Variants in SUCO observed in about 807,000 individuals in gnomAD.
The protein encoded by SUCO is SUN domain-containing ossification factor.
A neutral mutation model predicts 148.1 loss-of-function variants in SUCO; 57 were observed. The observed-to-expected ratio is 0.38, with a 90% CI of 0.31 to 0.48. SUCO has a LOEUF of 0.48. Ranked by LOEUF, SUCO falls within the 20% of genes least tolerant of loss-of-function variation. The probability of loss-of-function intolerance (pLI) is 0.96; values close to 1 mark genes in which losing one functional copy is unlikely to be tolerated. For missense variants in SUCO, 1,331 were observed against 1,468.2 expected (o/e 0.91, Z 1.53); for synonymous variants, 470 against 502.7 (o/e 0.93, Z 0.87).
intron 1 of SUCO, among the ~76,000 whole-genome samples, chr1:172,544,641 A>T (rs1012740986): frequency 6.6e-6 from 1 of 152,230 alleles, no homozygotes; most frequent in Non-Finnish European, 1.5e-5. Context: ...TGAGCCAGAG[A>T]CATGAGACAG....
chr1:172,586,006 A>G (rs1245861375), intron 17 of SUCO, 58 bp downstream of exon 17: 1 of 1,122,090 alleles, frequency 8.9e-7, no homozygotes, highest in African/African-American at 1.6e-5. Flanking sequence ...TAAGTATATT[A>G]GTATAAAAAA....
chr1:172,589,563 C>G lies in SUCO; in HGVS notation c.2462C>G (p.Ser821Cys), dbSNP rs1466828922. 6.2e-7 allele frequency: 1 copy of G among 1,613,758 alleles called. No homozygotes were observed. Among genetic ancestry groups the G allele is most frequent in the Non-Finnish European group, 8.5e-7 (1 of 1,179,870 alleles). ...VNSMQIFTKLSETIVPPINTA... is the reference protein window; with the variant it reads ...VNSMQIFTKLCETIVPPINTA... ...TCCATGCAAATTTTCACAAAGCTGT[C>G]TGAAACAATAGTGCCACCAATAAAT... The change falls in exon 18 of 24, where the codon TCT becomes TGT. Residue 821 changes from serine to cysteine, a missense_variant. By Grantham distance (112) the Ser-to-Cys change is moderately radical (BLOSUM62 -1). Coordinates refer to ENST00000263688, the MANE Select transcript of SUCO (RefSeq NM_014283.5).
Position 172,589,781 on chromosome 1 carries a change from T to A in SUCO, c.2680T>A (p.Ser894Thr). 2 of 1,612,494 alleles carry A rather than the reference T, an allele frequency of 1.2e-6. No homozygotes were observed. Residue 894 changes from serine (S) to threonine (T), a missense_variant, in exon 18 of 24, where the codon TCT becomes ACT. By Grantham distance (58) the Ser-to-Thr change is moderately conservative. Coordinates refer to ENST00000263688, the MANE Select transcript of SUCO (RefSeq NM_014283.5). ...ATDFYAELQN[S>T]TDLGYANGNL... ...AGATTTTTATGCTGAATTGCAAAAT[T>A]CTACAGATCTAGGATATGCTAATGG... is the stretch of plus-strand genomic sequence containing the variant.
intron 1 of SUCO, among the ~76,000 whole-genome samples, chr1:172,541,566 G>A (rs1652458417): frequency 6.6e-6 from 1 of 152,206 alleles, no homozygotes; most frequent in South Asian, 2.1e-4. Flanking sequence ...TTTTTGAGGA[G>A]GTAAATGATT....
chr1:172,606,135 A>G (rs1002400812), intron 22 of SUCO, among the ~76,000 whole-genome samples: 6 of 151,590 alleles, frequency 4.0e-5, no homozygotes, highest in Non-Finnish European at 8.9e-5. Context: ...TTTGTATTGT[A>G]TATATTATTT....
intron 3 of SUCO, among the ~76,000 whole-genome samples, chr1:172,555,023 C>G (rs894288764): frequency 9.2e-5 from 14 of 151,870 alleles, no homozygotes; most frequent in Admixed American, 8.5e-4. Flanking sequence ...TCATCATAGT[C>G]CTTAGTTTCT....
At chr1:172,543,191 T>A in intron 1 of SUCO, 1 of 187,634 alleles carries the variant, frequency 5.3e-6, no homozygotes. Flanking sequence ...GATAAAACTT[T>A]AAACCTTGAT....
chr1:172,550,122 T>A (rs1558175301), intron 1 of SUCO, among the ~76,000 whole-genome samples: 1 of 151,962 alleles, frequency 6.6e-6, no homozygotes, highest in Non-Finnish European at 1.5e-5. Flanking sequence ...CTCTGTTATC[T>A]CAGTATCATA....
intron 6 of SUCO, among the ~76,000 whole-genome samples, chr1:172,564,936 C>A (rs1335888903): frequency 6.6e-6 from 1 of 152,112 alleles, no homozygotes; most frequent in Non-Finnish European, 1.5e-5. Context: ...TTCTTTAGCA[C>A]ATTTTATGTA....
chr1:172,569,629 A>G (rs748989090), intron 7 of SUCO: 2 of 462,918 alleles, frequency 4.3e-6, no homozygotes, highest in Non-Finnish European at 5.7e-6. Flanking sequence ...TAGGTGCAGC[A>G]CACCACCATG....
chr1:172,532,989 G>A (rs988676761), upstream of SUCO: 25 of 1,396,038 alleles, frequency 1.8e-5, no homozygotes, highest in Admixed American at 4.3e-4. Context: ...AGAGGCTGGT[G>A]GGGGTGCGGG....
intron 1 of SUCO, among the ~76,000 whole-genome samples, chr1:172,534,305 G>C (rs982569355): frequency 5.3e-5 from 8 of 152,152 alleles, no homozygotes; most frequent in East Asian, 3.8e-4. Context: ...ACTTGGAAAA[G>C]CCATTCTTTC....
At chr1:172,590,936 G>T in intron 18 of SUCO, 48 bp from the exon 19 acceptor site, 1 of 1,325,258 alleles carries the variant, frequency 7.5e-7, no homozygotes, top group Non-Finnish European at 1.1e-6. Context: ...TTACTAAGTG[G>T]AATAAGTAAG....
chr1:172,587,392 T>G (rs981208081), intron 17 of SUCO, among the ~76,000 whole-genome samples: 3 of 152,040 alleles, frequency 2.0e-5, no homozygotes, highest in African/African-American at 7.2e-5. Flanking sequence ...GAAAAAACTT[T>G]TAAAGTATAT....
At chr1:172,533,743 G>A (rs1390713187) in intron 1 of SUCO, among the ~76,000 whole-genome samples, 2 of 152,178 alleles carry the variant, frequency 1.3e-5, no homozygotes, top group African/African-American at 4.8e-5. Context: ...CCAAGGTAGA[G>A]GGAACCACCA....
chr1:172,542,836 A>T (rs1558170464), intron 1 of SUCO: 1 of 985,408 alleles, frequency 1.0e-6, no homozygotes. Flanking sequence ...GATGGATGGA[A>T]AGAGATTTAA....
chr1:172,602,061 C>G lies in SUCO; in HGVS notation c.3019-3C>G. The G allele has an allele frequency of 1.2e-6, 2 of 1,604,852 alleles. No homozygotes were observed. Among genetic ancestry groups the G allele is most frequent in the Non-Finnish European group, 1.7e-6 (2 of 1,176,486 alleles). On this transcript the variant is annotated splice_polypyrimidine_tract_variant and splice_region_variant and intron_variant, in intron 20 of 23. Coordinates refer to ENST00000263688, the MANE Select transcript of SUCO (RefSeq NM_014283.5). ...TTATTATTTAACCCTCTTCTCATCTCAGGTTTCAGATCGACAAAGCTATCT... is the reference window on the plus strand; with the variant it reads ...TTATTATTTAACCCTCTTCTCATCTGAGGTTTCAGATCGACAAAGCTATCT...
intron 9 of SUCO, among the ~76,000 whole-genome samples, chr1:172,573,631 TA>T (rs1655208644): frequency 6.6e-6 from 1 of 152,072 alleles, no homozygotes; most frequent in Non-Finnish European, 1.5e-5. Flanking sequence ...GAGTGTTATC[TA>T]AAAAAGGAAT....
intron 6 of SUCO, 105 bp downstream of exon 6, chr1:172,557,899 A>G: frequency 1.1e-6 from 1 of 874,498 alleles, no homozygotes; most frequent in Non-Finnish European, 1.7e-6. Context: ...AAAATCAGGG[A>G]GATTAAGTAG....
Sources: allele counts gnomAD v4.1 joint callset (sites outside exome capture counted in the v4.1 genomes callset), GRCh38; gene constraint gnomAD v4.1.1; transcripts MANE v1.5; gene names NCBI Gene and HGNC (gene_info 2026-07-23, HGNC 2026-07-21).